Variants in TMEM18 observed in about 807,000 individuals in gnomAD.
TMEM18 encodes transmembrane protein 18.
Under a neutral mutation model 17.4 loss-of-function variants are expected in TMEM18, and 14 were observed. The observed-to-expected ratio is 0.80, with a 90% CI of 0.53 to 1.25. The LOEUF (loss-of-function observed/expected upper bound fraction) is 1.25. TMEM18 is among the 50% of genes most tolerant of loss of function. The pLI, the probability that TMEM18 is intolerant of heterozygous loss-of-function variation, is 0.00. For missense variants in TMEM18, 187 were observed against 172.1 expected, an observed-to-expected ratio of 1.09 and a Z score of -0.48; for synonymous variants, 86 against 66.1, an observed-to-expected ratio of 1.30 and a Z score of -1.46.
At chr2:672,147 A>G (rs943620657) in intron 3 of TMEM18, among the ~76,000 whole-genome samples, 8 of 152,190 alleles carry the variant, frequency 5.3e-5, no homozygotes, top group Non-Finnish European at 1.2e-4. Context: ...CTTCCTGCTC[A>G]GGGTCTGGCA....
At chr2:676,711 C>T (rs1228881938) in intron 1 of TMEM18, 1 of 1,438,772 alleles carries the variant, frequency 7.0e-7, no homozygotes, top group East Asian at 2.5e-5. Context: ...ACGGCGCACG[C>T]CCCGCCCACA....
intron 1 of TMEM18, chr2:676,812 C>A (rs1659249081): frequency 1.5e-6 from 1 of 668,164 alleles, no homozygotes; most frequent in Non-Finnish European, 2.5e-6. Flanking sequence ...ATGGCCCAAG[C>A]CCCGCCCGCA....
In TMEM18 at chr2:665,451, C is replaced by T. The variant is rs1326598326; in HGVS notation, c.*4129G>A. 6.6e-6 allele frequency among the ~76,000 whole-genome samples: 1 copy of T among 151,456 alleles called. No individual in the cohort carries two copies. Among genetic ancestry groups the T allele is most frequent in the Non-Finnish European group, 1.5e-5 (1 of 67,912 alleles). On this transcript the variant is annotated 3_prime_UTR_variant, in exon 5 of 5. Transcript: ENST00000281017. ...ACAGGACCCAGAGATGCAGATGCTC[C>T]ACTCACTCAGATAGAGAATCAACTC...
chr2:672,803 C>A lies in TMEM18; in HGVS notation c.233+5G>T. The A allele has an allele frequency of 6.8e-7, 1 of 1,468,206 alleles. No individual in the cohort carries two copies. The allele number at this position is 1,468,206 out of a possible 1,614,324, so 90.9% of individuals were successfully genotyped here. Reference sequence around the variant, plus strand: ...ACCTGGTCACAGGCCCGGGGGTGGGCTCACCTCCAGTTCATCGCAGCCGCC... The same window carrying A: ...ACCTGGTCACAGGCCCGGGGGTGGGATCACCTCCAGTTCATCGCAGCCGCC... On this transcript the variant is annotated splice_donor_5th_base_variant and intron_variant, in intron 3 of 4. Transcript: ENST00000281017.
intron 2 of TMEM18, 132 bp from the exon 3 acceptor site, chr2:672,994 C>A: frequency 1.2e-6 from 1 of 864,280 alleles, no homozygotes; most frequent in Non-Finnish European, 1.7e-6. Flanking sequence ...AGGTAAACAT[C>A]CTAACATTGT....
At chr2:676,916 G>C (rs1165498237) in intron 1 of TMEM18, 1 of 510,012 alleles carries the variant, frequency 2.0e-6, no homozygotes, top group Non-Finnish European at 3.4e-6. Flanking sequence ...GCACGGTGCA[G>C]GACGCCAGCC....
At chr2:677,233 C>G (rs982225741) in intron 1 of TMEM18, 56 bp downstream of exon 1, 6 of 1,571,440 alleles carry the variant, frequency 3.8e-6, no homozygotes, top group Non-Finnish European at 5.2e-6. Context: ...TGGGGCCTAC[C>G]CTACGCCTCT....
chr2:669,647 A>G lies in TMEM18; in HGVS notation c.356T>C (p.Val119Ala). 1.2e-6 allele frequency: 2 copies of G among 1,614,140 alleles called. No individual in the cohort carries two copies. The highest frequency in any genetic ancestry group is 1.7e-6 in the Non-Finnish European group (2 of 1,180,036). The change falls in exon 5 of 5, where the codon GTG (valine) becomes GCG (alanine). Residue 119 changes from valine (V) to alanine (A), a missense_variant. Val to Ala is a moderately conservative substitution (Grantham distance 64). Transcript: ENST00000281017. ...TTGTGCATTCTTCAGGTCAGTCATC[A>G]CATTCAAAGTCTTCCATACCCACAT... The part of the protein sequence containing the change: ...VVMWVWKTLN[V>A]MTDLKNAQER...
chr2:672,760 A>T, intron 3 of TMEM18, 48 bp downstream of exon 3: 1 of 1,408,738 alleles, frequency 7.1e-7, no homozygotes, highest in Admixed American at 3.0e-5. Context: ...GGCCATTCCC[A>T]GGGACACCCC....
At chr2:669,952 T>G (rs1678797734) in intron 3 of TMEM18, 102 bp from the exon 4 acceptor site, 1 of 919,848 alleles carries the variant, frequency 1.1e-6, no homozygotes, top group Non-Finnish European at 1.7e-6. Flanking sequence ...TGATGTGGAC[T>G]GAGGTGGGAG....
intron 1 of TMEM18, chr2:677,045 G>T (rs558607705): frequency 4.4e-4 from 102 of 232,436 alleles, no homozygotes; most frequent in African/African-American, 2.9e-3. Context: ...TAGCGCTCGC[G>T]CCCCGACGCC....
intron 3 of TMEM18, 81 bp downstream of exon 3, chr2:672,727 T>C: frequency 7.8e-7 from 1 of 1,289,874 alleles, no homozygotes; most frequent in Non-Finnish European, 1.0e-6. Context: ...CACTGTCTCC[T>C]CCGCGAGTCC....
At chr2:674,439 C>T (rs1297477464) in intron 2 of TMEM18, among the ~76,000 whole-genome samples, 2 of 152,208 alleles carry the variant, frequency 1.3e-5, no homozygotes, top group Non-Finnish European at 2.9e-5. Context: ...TCCTGTTTCA[C>T]TGTGTTTTTG....
chr2:670,719 G>A (rs1268626755), intron 3 of TMEM18: 1 of 153,260 alleles, frequency 6.5e-6, no homozygotes, highest in Non-Finnish European at 1.5e-5. Context: ...TGTCGGGGGT[G>A]AGGGGGCCTC....
rs376441110 is a variant in TMEM18, at chr2:670,005, C to T, written c.234-155G>A. 643 of 620,840 alleles carry T rather than the reference C, an allele frequency of 1.0e-3. 1 individual carries two copies. Among genetic ancestry groups the T allele is most frequent in the Middle Eastern group, 5.2e-3 (12 of 2,310 alleles). The allele number at this position is 620,840 out of a possible 1,614,324, so 38.5% of individuals were successfully genotyped here. On this transcript the variant is annotated intron_variant, in intron 3 of 4. Coordinates refer to ENST00000281017, the MANE Select transcript of TMEM18 (RefSeq NM_152834.4). The stretch of plus-strand genomic sequence containing the variant: ...CCACCCTTGGGAGCAGCGGTAATCT[C>T]CACTGTACTGTCCCAAATGCAATGA...
In TMEM18 at chr2:677,379, G is replaced by C. The variant is rs753615599; in HGVS notation, c.-34C>G. On this transcript the variant is annotated 5_prime_UTR_variant, in exon 1 of 5. Coordinates refer to ENST00000281017, the MANE Select transcript of TMEM18 (RefSeq NM_152834.4). Reference sequence around the variant, plus strand: ...GAAGCCCGCTCTCACAGCAACCGCCGAACCCGGCCTGGCCAGAATCCACAG... The same window carrying C: ...GAAGCCCGCTCTCACAGCAACCGCCCAACCCGGCCTGGCCAGAATCCACAG... 5.6e-6 allele frequency: 9 copies of C among 1,606,394 alleles called. No individual in the cohort carries two copies. The highest frequency in any genetic ancestry group is 7.6e-6 in the Non-Finnish European group (9 of 1,177,712).
chr2:675,383 C>T (rs944947356), intron 2 of TMEM18, 127 bp downstream of exon 2: 51 of 1,380,368 alleles, frequency 3.7e-5, no homozygotes, highest in Non-Finnish European at 4.9e-5. Context: ...GCCCTGGGAG[C>T]AGGCACATGA....
intron 1 of TMEM18, chr2:676,755 T>C: frequency 2.0e-6 from 2 of 1,024,810 alleles, no homozygotes; most frequent in Admixed American, 2.4e-5. Flanking sequence ...CCCCACACGA[T>C]CAGGCTCCAC....
chr2:666,230 C>A lies in TMEM18; in HGVS notation c.*3350G>T, dbSNP rs750742330. On this transcript the variant is annotated 3_prime_UTR_variant, in exon 5 of 5. Coordinates refer to ENST00000281017, the MANE Select transcript of TMEM18 (RefSeq NM_152834.4). ...CAGAAGGCAGTAGCCCTGAGGCTTACAGAGCAGACCCTATGGCCACATGCT... is the reference window on the plus strand; with the variant it reads ...CAGAAGGCAGTAGCCCTGAGGCTTAAAGAGCAGACCCTATGGCCACATGCT... 1.6e-4 allele frequency among the ~76,000 whole-genome samples: 24 copies of A among 152,222 alleles called. No individual in the cohort carries two copies. Among genetic ancestry groups the A allele is most frequent in the Middle Eastern group, 3.2e-3 (1 of 316 alleles).
Sources: allele counts gnomAD v4.1 joint callset (sites outside exome capture counted in the v4.1 genomes callset), GRCh38; gene constraint gnomAD v4.1.1; transcripts MANE v1.5; gene names NCBI Gene and HGNC (gene_info 2026-07-23, HGNC 2026-07-21).